The following FAM168A variants were observed in gnomAD, a reference collection of about 807,000 sequenced individuals.
FAM168A encodes family with sequence similarity 168 member A.
Under a neutral mutation model 28.5 loss-of-function variants are expected in FAM168A, and 3 were observed. That is an observed-to-expected ratio of 0.11 (90% CI 0.05 to 0.27). The LOEUF is 0.27. Among genes scored for constraint, FAM168A ranks in the 10% least tolerant of loss-of-function variants. The pLI, the probability that FAM168A is intolerant of heterozygous loss-of-function variation, is 1.00. For missense variants in FAM168A, 222 were observed against 311.5 expected (o/e 0.71, Z 2.16); for synonymous variants, 122 against 124.2 (o/e 0.98, Z 0.12).
chr11:73,464,539 A>G (rs958425579), intron 2 of FAM168A, among the ~76,000 whole-genome samples: 3 of 152,240 alleles, frequency 2.0e-5, no homozygotes, highest in East Asian at 3.8e-4. Flanking sequence ...GGAGTGGGCT[A>G]GCAGAGGAAT....
At position 73,468,396 on chromosome 11, in the gene FAM168A, A is replaced by G; in HGVS notation, c.70+9T>C. On this transcript the variant is annotated intron_variant, in intron 2 of 7. Coordinates refer to ENST00000356467, the MANE Select transcript of FAM168A (RefSeq NM_015159.3). ...TTCTCAAAATGAGAGCCATTCTCAC[A>G]CTACTCACCCGTGTAGGCCATGTTC... is the stretch of plus-strand genomic sequence containing the variant. 1 of 1,613,098 alleles carries G rather than the reference A, an allele frequency of 6.2e-7. No individual in the cohort carries two copies. The highest frequency in any genetic ancestry group is 8.5e-7 in the Non-Finnish European group (1 of 1,179,376).
At position 73,580,733 on chromosome 11, in the gene FAM168A, T is replaced by C. The variant is rs952651335; in HGVS notation, c.-19+17190A>G. On this transcript the variant is annotated intron_variant, in intron 1 of 7. Transcript: ENST00000356467. ...GCTGGATTGATGTGGGGAAAACACC[T>C]TTCCCTTCCAGTTTTGAGAGACTTC... 2.6e-5 allele frequency among the ~76,000 whole-genome samples: 4 copies of C among 152,242 alleles called. 1 individual carries two copies. Among genetic ancestry groups the C allele is most frequent in the South Asian group, 4.1e-4 (2 of 4,838 alleles).
At chr11:73,490,568 C>T (rs1251904249) in intron 1 of FAM168A, among the ~76,000 whole-genome samples, 1 of 152,240 alleles carries the variant, frequency 6.6e-6, no homozygotes, top group East Asian at 1.9e-4. Context: ...GTTCCCTGTT[C>T]CCCTGCTATT....
At chr11:73,475,809 G>C (rs1867880401) in intron 1 of FAM168A, among the ~76,000 whole-genome samples, 1 of 152,152 alleles carries the variant, frequency 6.6e-6, no homozygotes, top group Admixed American at 6.5e-5. Flanking sequence ...CAGGCTAAAA[G>C]GACTACTGCA....
At chr11:73,594,607 G>A (rs540584259) in intron 1 of FAM168A, among the ~76,000 whole-genome samples, 3 of 152,094 alleles carry the variant, frequency 2.0e-5, no homozygotes, top group African/African-American at 4.8e-5. Flanking sequence ...TGGCGCAATC[G>A]TGGCTCACTG....
At chr11:73,531,785 G>A (rs1446719441) in intron 1 of FAM168A, among the ~76,000 whole-genome samples, 1 of 149,326 alleles carries the variant, frequency 6.7e-6, no homozygotes, top group Non-Finnish European at 1.5e-5. Flanking sequence ...ATCCTGCAAA[G>A]CACAGACCAA....
chr11:73,477,249 A>G (rs985136881), intron 1 of FAM168A, among the ~76,000 whole-genome samples: 1 of 152,080 alleles, frequency 6.6e-6, no homozygotes, highest in Non-Finnish European at 1.5e-5. Context: ...AAAGTCAAAA[A>G]AAAGTCAGGT....
rs1590744797 is a variant in FAM168A at position 73,400,839 on chromosome 11, A to G, written c.*5924T>C. On this transcript the variant is annotated 3_prime_UTR_variant, in exon 8 of 8. Transcript: ENST00000356467. ...TTTTTTAATAGTTATTGAGTGTTCT[A>G]CAGCTTACAGTAAATACCATAGTTA... is the stretch of plus-strand genomic sequence containing the variant. The G allele has an allele frequency of 6.6e-6, 1 of 151,862 alleles. No individual in the cohort carries two copies. Among genetic ancestry groups the G allele is most frequent in the Non-Finnish European group, 1.5e-5 (1 of 67,998 alleles). 9.4% of individuals were successfully genotyped at this position (151,862 alleles called of 1,614,324 possible).
chr11:73,455,205 TG>T (rs1430099520), intron 2 of FAM168A, among the ~76,000 whole-genome samples: 3 of 152,218 alleles, frequency 2.0e-5, no homozygotes, highest in Non-Finnish European at 4.4e-5. Context: ...GGCTGGATCC[TG>T]TACTCACTTG....
chr11:73,428,769 T>C (rs1354563546), intron 3 of FAM168A, among the ~76,000 whole-genome samples: 1 of 152,206 alleles, frequency 6.6e-6, no homozygotes, highest in Non-Finnish European at 1.5e-5. Flanking sequence ...TGACTAAAGG[T>C]AAATATGAAA....
intron 1 of FAM168A, among the ~76,000 whole-genome samples, chr11:73,590,500 T>C (rs187515653): frequency 1.3e-5 from 2 of 148,456 alleles, no homozygotes; most frequent in African/African-American, 2.4e-5. Context: ...CTCACAAATA[T>C]ATTATATATG....
intron 1 of FAM168A, among the ~76,000 whole-genome samples, chr11:73,560,233 C>CTT (rs762891836): frequency 1.4e-5 from 2 of 144,540 alleles, no homozygotes; most frequent in Non-Finnish European, 1.5e-5. Context: ...CCATGCCTGG[C>CTT]TTTTTTTTTT....
At chr11:73,547,183 G>A (rs1480562583) in intron 1 of FAM168A, among the ~76,000 whole-genome samples, 7 of 145,812 alleles carry the variant, frequency 4.8e-5, no homozygotes, top group East Asian at 2.1e-4. Flanking sequence ...AGGAGGAGGA[G>A]GAAGAAGAAA....
chr11:73,533,830 G>T (rs1455657850), intron 1 of FAM168A, among the ~76,000 whole-genome samples: 2 of 152,090 alleles, frequency 1.3e-5, no homozygotes, highest in Non-Finnish European at 2.9e-5. Context: ...GTAAACTTTT[G>T]GGGGGAGTGC....
At chr11:73,527,323 G>A (rs1943460435) in intron 1 of FAM168A, among the ~76,000 whole-genome samples, 1 of 152,106 alleles carries the variant, frequency 6.6e-6, no homozygotes, top group Non-Finnish European at 1.5e-5. Context: ...GCACCCCACT[G>A]AAAGAATTAA....
chr11:73,426,342 T>G (rs1297464352), intron 3 of FAM168A, among the ~76,000 whole-genome samples: 1 of 152,206 alleles, frequency 6.6e-6, no homozygotes, highest in Non-Finnish European at 1.5e-5. Context: ...CCCACATTGC[T>G]TTCAGAACCA....
At chr11:73,524,797 C>T (rs987858808) in intron 1 of FAM168A, among the ~76,000 whole-genome samples, 8 of 152,096 alleles carry the variant, frequency 5.3e-5, no homozygotes, top group Non-Finnish European at 1.0e-4. Context: ...CAGGGTTTCA[C>T]CATGTTGGTC....
intron 2 of FAM168A, among the ~76,000 whole-genome samples, chr11:73,448,244 C>T (rs1322527570): frequency 6.6e-6 from 1 of 151,908 alleles, no homozygotes; most frequent in East Asian, 1.9e-4. Flanking sequence ...GACGGGGTTT[C>T]ACCATGTTGG....
chr11:73,576,531 CAGTA>C (rs1944177527), intron 1 of FAM168A, among the ~76,000 whole-genome samples: 1 of 152,136 alleles, frequency 6.6e-6, no homozygotes, highest in Non-Finnish European at 1.5e-5. Flanking sequence ...TTACCAGAAG[CAGTA>C]ATTTCTAGGA....
Sources: allele counts gnomAD v4.1 joint callset (sites outside exome capture counted in the v4.1 genomes callset), GRCh38; gene constraint gnomAD v4.1.1; transcripts MANE v1.5; gene names NCBI Gene and HGNC (gene_info 2026-07-23, HGNC 2026-07-21).